The following MSH3 variants were observed in gnomAD, a reference collection of about 807,000 sequenced individuals.
The protein encoded by MSH3 is DNA mismatch repair protein Msh3.
MSH3 carries 106 observed loss-of-function variants against 123.3 expected under a neutral mutation model. The observed-to-expected ratio is 0.86, with a 90% CI of 0.73 to 1.01. The LOEUF (loss-of-function observed/expected upper bound fraction) is 1.01. Among genes scored for constraint, MSH3 ranks in the 50% least tolerant of loss-of-function variants. The pLI is 0.00. For synonymous variants in MSH3, 515 were observed against 481.4 expected, an observed-to-expected ratio of 1.07 and a Z score of -0.91; for missense variants, 1,459 against 1,347.6, an observed-to-expected ratio of 1.08 and a Z score of -1.29.
intron 19 of MSH3, among the ~76,000 whole-genome samples, chr5:80,795,470 G>A (rs953218918): frequency 1.3e-5 from 2 of 152,076 alleles, no homozygotes; most frequent in South Asian, 2.1e-4. Flanking sequence ...CACCTCACAT[G>A]GTGGAATGGG....
At chr5:80,676,233 G>A (rs969478817) in intron 7 of MSH3, among the ~76,000 whole-genome samples, 4 of 152,280 alleles carry the variant, frequency 2.6e-5, no homozygotes, top group South Asian at 2.1e-4. Context: ...GTTTCACCAC[G>A]TTGGACAGGC....
intron 22 of MSH3, among the ~76,000 whole-genome samples, chr5:80,869,204 C>G (rs900844140): frequency 1.3e-5 from 2 of 152,220 alleles, no homozygotes; most frequent in Admixed American, 6.5e-5. Context: ...CAGTACACAT[C>G]TCTTTAATAA....
chr5:80,820,247 C>A (rs554107013), intron 20 of MSH3, among the ~76,000 whole-genome samples: 2 of 152,124 alleles, frequency 1.3e-5, no homozygotes, highest in African/African-American at 4.8e-5. Context: ...TAAATTTGTT[C>A]AGTTAAATAG....
intron 21 of MSH3, among the ~76,000 whole-genome samples, chr5:80,864,601 ATGTC>A (rs1211722333): frequency 2.0e-5 from 3 of 152,158 alleles, no homozygotes; most frequent in Admixed American, 6.5e-5. Context: ...TCAGGAAAAA[ATGTC>A]TGTGTCTGTG....
intron 8 of MSH3, among the ~76,000 whole-genome samples, chr5:80,699,198 A>G (rs908667411): frequency 3.9e-5 from 6 of 152,228 alleles, no homozygotes; most frequent in African/African-American, 1.4e-4. Flanking sequence ...TTTAGAATAA[A>G]GAGAATAATG....
chr5:80,665,595 A>G (rs2112809167), intron 3 of MSH3, among the ~76,000 whole-genome samples: 1 of 152,320 alleles, frequency 6.6e-6, no homozygotes, highest in East Asian at 1.9e-4. Flanking sequence ...AAAGCCTTCC[A>G]GGTAATTCTG....
intron 19 of MSH3, among the ~76,000 whole-genome samples, chr5:80,808,598 A>T (rs1271088159): frequency 6.6e-6 from 1 of 152,024 alleles, no homozygotes; most frequent in Non-Finnish European, 1.5e-5. Context: ...AAATTTTTAT[A>T]TGATATTTTT....
At chr5:80,694,977 G>T (rs955275450) in intron 8 of MSH3, among the ~76,000 whole-genome samples, 3 of 148,778 alleles carry the variant, frequency 2.0e-5, no homozygotes, top group Admixed American at 6.7e-5. Flanking sequence ...CCTTTTTGGG[G>T]TTCACTCAGC....
chr5:80,791,018 G>GAC (rs1744597637), intron 18 of MSH3, among the ~76,000 whole-genome samples: 3 of 152,172 alleles, frequency 2.0e-5, no homozygotes, highest in Admixed American at 2.0e-4. Context: ...TTCTCGTCCA[G>GAC]TTAGTCATTC....
chr5:80,727,557 G>C (rs1229119315), intron 9 of MSH3, among the ~76,000 whole-genome samples: 1 of 152,128 alleles, frequency 6.6e-6, no homozygotes, highest in African/African-American at 2.4e-5. Context: ...TTAACAATTT[G>C]GCATATATCC....
chr5:80,676,941 C>T (rs836809), intron 7 of MSH3, among the ~76,000 whole-genome samples: 38,202 of 152,070 alleles, frequency 0.25, 4,904 homozygotes, highest in Middle Eastern at 0.32. Flanking sequence ...TGAAAACAGC[C>T]GTTTGCCCTT....
chr5:80,823,774 G>A (rs1745240911), intron 20 of MSH3, among the ~76,000 whole-genome samples: 1 of 152,192 alleles, frequency 6.6e-6, no homozygotes, highest in East Asian at 1.9e-4. Context: ...TAGGACAATA[G>A]TGGAGGGAAG....
intron 21 of MSH3, among the ~76,000 whole-genome samples, chr5:80,856,281 TTG>T (rs1326189771): frequency 1.3e-5 from 2 of 152,076 alleles, no homozygotes; most frequent in African/African-American, 4.8e-5. Context: ...TTATAACATT[TTG>T]TTTTTTTTAA....
chr5:80,762,835 T>G (rs200792526), intron 13 of MSH3, among the ~76,000 whole-genome samples: 1,290 of 88,784 alleles, frequency 0.015, 16 homozygotes, highest in African/African-American at 0.055. Context: ...GTTATGTTAT[T>G]TTATGTTATT....
At chr5:80,826,047 T>C (rs1745292285) in intron 20 of MSH3, among the ~76,000 whole-genome samples, 1 of 152,208 alleles carries the variant, frequency 6.6e-6, no homozygotes, top group South Asian at 2.1e-4. Context: ...AAATTTGGCT[T>C]AGTTTTCCCC....
chr5:80,843,170 T>G (rs1191223264), intron 20 of MSH3, among the ~76,000 whole-genome samples: 1 of 152,168 alleles, frequency 6.6e-6, no homozygotes, highest in Non-Finnish European at 1.5e-5. Flanking sequence ...ATCATGTGGT[T>G]TTTGTCATTG....
At chr5:80,712,923 C>T (rs190221624) in intron 8 of MSH3, among the ~76,000 whole-genome samples, 1 of 151,968 alleles carries the variant, frequency 6.6e-6, no homozygotes, top group Non-Finnish European at 1.5e-5. Context: ...ATATTAAAGC[C>T]AGGTTACCTT....
Position 80,846,721 on chromosome 5 carries a change from C to G in MSH3, c.2814-7409C>G, listed in dbSNP as rs372261861. 4.6e-5 allele frequency among the ~76,000 whole-genome samples: 7 copies of G among 152,354 alleles called. 1 individual carries two copies. Among genetic ancestry groups the G allele is most frequent in the African/African-American group, 1.7e-4 (7 of 41,586 alleles). On this transcript the variant is annotated intron_variant, in intron 20 of 23. Transcript: ENST00000265081. ...TCCGTGGGCGTGAGACCTGGTGAGCCAGGCATGGGAGGGTATCTCCTGGTC... is the reference window on the plus strand; with the variant it reads ...TCCGTGGGCGTGAGACCTGGTGAGCGAGGCATGGGAGGGTATCTCCTGGTC...
intron 15 of MSH3, 33 bp from the exon 16 acceptor site, chr5:80,775,661 A>G (rs1561474136): frequency 2.5e-6 from 3 of 1,220,716 alleles, no homozygotes; most frequent in Non-Finnish European, 3.6e-6. Context: ...ATGGTTACTT[A>G]TCTAAATCTC....
Sources: allele counts gnomAD v4.1 joint callset (sites outside exome capture counted in the v4.1 genomes callset), GRCh38; gene constraint gnomAD v4.1.1; transcripts MANE v1.5; gene names NCBI Gene and HGNC (gene_info 2026-07-23, HGNC 2026-07-21).